The following SV2B variants were observed in gnomAD, a reference collection of about 807,000 sequenced individuals.
The protein encoded by SV2B is synaptic vesicle glycoprotein 2B, also known as solute carrier family 22 member B2.
In SV2B, 41 loss-of-function variants were observed where a neutral mutation model predicts 73.9. The observed-to-expected ratio is 0.56, with a 90% confidence interval of 0.43 to 0.72. The LOEUF (loss-of-function observed/expected upper bound fraction) is 0.72, where lower values mean the gene tolerates loss of function less well. SV2B is among the 30% of genes least tolerant of loss of function. The pLI is 0.00. For missense variants in SV2B, 764 were observed against 857.8 expected (o/e 0.89, Z 1.37); for synonymous variants, 314 against 314.2 (o/e 1.00, Z 0.01).
chr15:91,228,571 C>T (rs1028737833), intron 2 of SV2B, among the ~76,000 whole-genome samples: 7 of 152,216 alleles, frequency 4.6e-5, no homozygotes, highest in Admixed American at 3.9e-4. Context: ...CTGCTGGTCT[C>T]TCTGGCACCG....
At position 91,242,105 on chromosome 15, in the gene SV2B, C is replaced by T. The variant is rs1018685350; in HGVS notation, c.452-9714C>T. 7.2e-5 allele frequency among the ~76,000 whole-genome samples: 11 copies of T among 152,342 alleles called. No homozygotes were observed. Among genetic ancestry groups the T allele is most frequent in the South Asian group, 2.1e-4 (1 of 4,824 alleles). Reference sequence around the variant, plus strand: ...ATTCACCTGTTCACAGCAACTCTAACGGTTAGCCACTCTCTCCTCCTTGAT... The same window carrying T: ...ATTCACCTGTTCACAGCAACTCTAATGGTTAGCCACTCTCTCCTCCTTGAT... On this transcript the variant is annotated intron_variant, in intron 2 of 12. Coordinates refer to ENST00000394232, the MANE Select transcript of SV2B (RefSeq NM_001323032.3). This position sits in a 1 kb window ranked among gnomAD's most constrained non-coding sequence, Gnocchi z 4.9.
intron 1 of SV2B, among the ~76,000 whole-genome samples, chr15:91,179,162 T>C (rs1366767529): frequency 2.0e-5 from 3 of 152,194 alleles, no homozygotes; most frequent in Non-Finnish European, 2.9e-5. Context: ...CCAGTAGTCA[T>C]TCAGGAGCAG....
In SV2B at chr15:91,255,624, A is replaced by G. The variant is rs367975074; in HGVS notation, c.785-2797A>G. Among the ~76,000 whole-genome samples the G allele has an allele frequency of 3.9e-5, 6 of 152,350 alleles. No individual in the cohort carries two copies. In the East Asian group the frequency reaches 9.6e-4, roughly 24 times the overall value. ...GTTCCCCAATAACCTATGGAAATAA[A>G]AAATTAAAAAAATTATTTTACCCCA... On this transcript the variant is annotated intron_variant, in intron 4 of 12. Transcript: ENST00000394232.
intron 1 of SV2B, among the ~76,000 whole-genome samples, chr15:91,159,038 C>A (rs576642413): frequency 6.6e-6 from 1 of 151,920 alleles, no homozygotes; most frequent in Non-Finnish European, 1.5e-5. Flanking sequence ...GGTGGCCGGG[C>A]GTGATGAGGC....
In SV2B at chr15:91,270,311, TGC is replaced by T. The variant is rs1283745005; in HGVS notation, c.1373+1707_1373+1708del. On this transcript the variant is annotated intron_variant, in intron 9 of 12. Coordinates refer to ENST00000394232, the MANE Select transcript of SV2B (RefSeq NM_001323032.3). Reference sequence around the variant, plus strand: ...GGCAATGTTAATGAGCATTGCTGTGTGCCAGGTGCTACCTTAAGTGCCTTACG... The same window carrying T: ...GGCAATGTTAATGAGCATTGCTGTGTCAGGTGCTACCTTAAGTGCCTTACG... 5.3e-5 allele frequency among the ~76,000 whole-genome samples: 8 copies of T among 152,340 alleles called. No individual in the cohort carries two copies. In the East Asian group the frequency reaches 1.5e-3, roughly 29 times the overall value.
chr15:91,264,496 G>T (rs2048034165), intron 6 of SV2B, among the ~76,000 whole-genome samples: 2 of 152,216 alleles, frequency 1.3e-5, no homozygotes. Context: ...GATTATTCCA[G>T]TGGGAAGTTC....
Position 91,258,641 on chromosome 15 carries a change from A to G in SV2B, c.918+87A>G. ...CTTCCTTCTCTCAGCTCCTAGTCCC[A>G]CATCCTCTGCTGCTTATGTGTTGCA... On this transcript the variant is annotated intron_variant, in intron 5 of 12. Transcript: ENST00000394232. This position sits in a 1 kb window ranked among gnomAD's most constrained non-coding sequence, Gnocchi z 4.7. 1 of 1,578,910 alleles carries G rather than the reference A, an allele frequency of 6.3e-7. No homozygotes were observed. The highest frequency in any genetic ancestry group is 8.6e-7 in the Non-Finnish European group (1 of 1,160,952).
chr15:91,149,607 C>A, intron 1 of SV2B, among the ~76,000 whole-genome samples: 1 of 152,316 alleles, frequency 6.6e-6, no homozygotes, highest in East Asian at 1.9e-4. Flanking sequence ...CTTAGTCTCT[C>A]CATCTTGGAC....
chr15:91,233,358 G>C (rs973618204), intron 2 of SV2B, among the ~76,000 whole-genome samples: 2 of 152,170 alleles, frequency 1.3e-5, no homozygotes, highest in South Asian at 2.1e-4. Context: ...TGGACAAAGT[G>C]GGGGAAAGAA....
At chr15:91,221,707 A>G (rs1275594491) in intron 1 of SV2B, among the ~76,000 whole-genome samples, 1 of 149,364 alleles carries the variant, frequency 6.7e-6, no homozygotes, top group Non-Finnish European at 1.5e-5. Flanking sequence ...ACACACACAC[A>G]CACACACACA....
intron 9 of SV2B, among the ~76,000 whole-genome samples, chr15:91,272,586 G>A (rs1047318879): frequency 6.6e-6 from 1 of 152,066 alleles, no homozygotes; most frequent in African/African-American, 2.4e-5. Flanking sequence ...TGCCAATGAA[G>A]GATGGGAGAA....
chr15:91,171,947 C>CG (rs2044136483), intron 1 of SV2B, among the ~76,000 whole-genome samples: 6 of 152,108 alleles, frequency 3.9e-5, no homozygotes, highest in Admixed American at 3.9e-4. Context: ...AACAGCAATC[C>CG]ATATCACTCT....
rs1163185342 is a variant in SV2B, at chr15:91,232,164, TG to T, written c.451+5451del. 1.3e-5 allele frequency among the ~76,000 whole-genome samples: 2 copies of T among 152,220 alleles called. No homozygotes were observed. Among genetic ancestry groups the T allele is most frequent in the African/African-American group, 4.8e-5 (2 of 41,462 alleles). ...GGGTGGCATGGAGGGGGGTCACTTC[TG>T]TGGCACAAAATATGTCCTCAGTGAC... is the stretch of plus-strand genomic sequence containing the variant. On this transcript the variant is annotated intron_variant, in intron 2 of 12. Transcript: ENST00000394232. The surrounding 1 kb of genome is among the most constrained non-coding windows in gnomAD (Gnocchi z 4.7).
chr15:91,198,102 G>C (rs1316545067), intron 1 of SV2B, among the ~76,000 whole-genome samples: 1 of 152,126 alleles, frequency 6.6e-6, no homozygotes, highest in African/African-American at 2.4e-5. Flanking sequence ...AAATATAACT[G>C]GTGAATCTCT....
intron 6 of SV2B, among the ~76,000 whole-genome samples, chr15:91,264,674 C>G (rs927031444): frequency 3.3e-5 from 5 of 152,140 alleles, no homozygotes; most frequent in African/African-American, 9.7e-5. Context: ...ATATAACTGC[C>G]TAATGCTGAA....
intron 1 of SV2B, among the ~76,000 whole-genome samples, chr15:91,151,449 C>A (rs1207102937): frequency 2.0e-5 from 3 of 152,182 alleles, no homozygotes; most frequent in Admixed American, 1.3e-4. Flanking sequence ...GCCTAATCAG[C>A]CTGAGACCAC....
intron 12 of SV2B, among the ~76,000 whole-genome samples, chr15:91,291,900 G>A (rs893685888): frequency 6.6e-6 from 1 of 152,186 alleles, no homozygotes; most frequent in Non-Finnish European, 1.5e-5. Context: ...ATGCTCAGCA[G>A]CAAATCAGTC....
intron 1 of SV2B, among the ~76,000 whole-genome samples, chr15:91,159,043 T>A (rs1163495629): frequency 6.6e-6 from 1 of 152,066 alleles, no homozygotes; most frequent in Non-Finnish European, 1.5e-5. Flanking sequence ...CCGGGCGTGA[T>A]GAGGCTGAGT....
At chr15:91,237,129 C>T (rs1472363324) in intron 2 of SV2B, among the ~76,000 whole-genome samples, 1 of 152,124 alleles carries the variant, frequency 6.6e-6, no homozygotes, top group East Asian at 1.9e-4. Flanking sequence ...GAGGAAATGA[C>T]AAGGTTCTGG....
Sources: gnomAD v4.1 joint callset for allele counts (sites outside exome capture counted in the v4.1 genomes callset) on GRCh38, gnomAD v4.1.1 for gene constraint, Gnocchi (gnomAD v3.1) non-coding constraint, MANE v1.5 for transcripts, NCBI Gene and HGNC (gene_info 2026-07-23, HGNC 2026-07-21) for gene names.